Variants in FAM186A observed in about 807,000 individuals in gnomAD.
FAM186A encodes protein FAM186A.
FAM186A carries 163 observed loss-of-function variants against 216.8 expected under a neutral mutation model. The observed-to-expected ratio is 0.75, with a 90% CI of 0.66 to 0.86. The LOEUF is 0.86. Among genes scored for constraint, FAM186A ranks in the 40% least tolerant of loss-of-function variants. The probability of loss-of-function intolerance (pLI) is 0.00; values close to 1 mark genes in which losing one functional copy is unlikely to be tolerated. For missense variants in FAM186A, 2,184 were observed against 2,746.2 expected (o/e 0.80, Z 4.58); for synonymous variants, 805 against 1,025.3 (o/e 0.79, Z 4.10).
chr12:50,358,547 C>T (rs1458189258), intron 3 of FAM186A, among the ~76,000 whole-genome samples: 1 of 151,918 alleles, frequency 6.6e-6, no homozygotes, highest in African/African-American at 2.4e-5. Context: ...TGTACCAATG[C>T]ACCCCAGCTT....
rs1942860674 is a variant in FAM186A, at chr12:50,350,268, G to A, written c.6503+61C>T. 8 of 1,374,398 alleles carry A rather than the reference G, an allele frequency of 5.8e-6. No individual in the cohort carries two copies. In the South Asian group the frequency reaches 1.2e-4, roughly 21 times the overall value. 85.1% of individuals were successfully genotyped at this position (1,374,398 alleles called of 1,614,324 possible). ...AATATGAATATACTTCTGGGACAAT[G>A]ACAGAAAATATTTGCAATCAGAACT... is the stretch of plus-strand genomic sequence containing the variant. On this transcript the variant is annotated intron_variant, in intron 4 of 7. Transcript: ENST00000327337.
chr12:50,337,289 CT>C (rs71441358), intron 4 of FAM186A, among the ~76,000 whole-genome samples: 26 of 69,678 alleles, frequency 3.7e-4, no homozygotes, highest in East Asian at 9.0e-4. Flanking sequence ...AGAGATAATT[CT>C]TTTTTTTTTT....
chr12:50,343,004 C>T (rs1456926664), intron 4 of FAM186A, among the ~76,000 whole-genome samples: 1 of 150,272 alleles, frequency 6.7e-6, no homozygotes, highest in African/African-American at 2.5e-5. Context: ...AATCCCAGCA[C>T]TTTGGGATGC....
Position 50,350,321 on chromosome 12 carries a change from A to G in FAM186A, c.6503+8T>C. 6.6e-7 allele frequency: 1 copy of G among 1,504,236 alleles called. No individual in the cohort carries two copies. Among genetic ancestry groups the G allele is most frequent in the Non-Finnish European group, 8.9e-7 (1 of 1,124,288 alleles). 93.2% of individuals were successfully genotyped at this position (1,504,236 alleles called of 1,614,324 possible). On this transcript the variant is annotated splice_region_variant and intron_variant, in intron 4 of 7. Coordinates refer to ENST00000327337, the MANE Select transcript of FAM186A (RefSeq NM_001145475.3). ...ACCAGAAAACTAGACGTAAATAATT[A>G]TATCTACCTGGCATGCTGGATCAGC...
In FAM186A at chr12:50,369,406, A is replaced by G. The variant is rs1393938430; in HGVS notation, c.193-6042T>C. Among the ~76,000 whole-genome samples, 5 of 149,794 alleles carry G rather than the reference A, an allele frequency of 3.3e-5. No individual in the cohort carries two copies. In the East Asian group the frequency reaches 7.9e-4, roughly 24 times the overall value. The stretch of plus-strand genomic sequence containing the variant: ...CTCGGGAGGCTGAGGCAGGAGAATT[A>G]CTTGAACCCGGGAGGCAGAGGTTGC... On this transcript the variant is annotated intron_variant, in intron 1 of 7. Transcript: ENST00000327337.
chr12:50,388,570 G>A (rs1943327168), intron 1 of FAM186A, among the ~76,000 whole-genome samples: 1 of 148,128 alleles, frequency 6.8e-6, no homozygotes, highest in Admixed American at 6.8e-5. Flanking sequence ...GGTGAGCTGA[G>A]AATGCACCAT....
intron 1 of FAM186A, among the ~76,000 whole-genome samples, chr12:50,374,528 C>G (rs144111211): frequency 6.6e-6 from 1 of 152,122 alleles, no homozygotes; most frequent in South Asian, 2.1e-4. Flanking sequence ...ACTATGTCAA[C>G]GGATTAAAGA....
At chr12:50,387,660 A>G (rs1943316637) in intron 1 of FAM186A, among the ~76,000 whole-genome samples, 1 of 152,098 alleles carries the variant, frequency 6.6e-6, no homozygotes. Context: ...GCTTCACCCT[A>G]ATATTACTAT....
intron 4 of FAM186A, among the ~76,000 whole-genome samples, chr12:50,336,895 G>A (rs139240053): frequency 0.018 from 2,735 of 150,100 alleles, 66 homozygotes; most frequent in African/African-American, 0.061. Context: ...ATATACATGC[G>A]TATATATATA....
At chr12:50,338,227 G>T (rs1942729449) in intron 4 of FAM186A, among the ~76,000 whole-genome samples, 1 of 152,076 alleles carries the variant, frequency 6.6e-6, no homozygotes, top group African/African-American at 2.4e-5. Context: ...TTGAGACAGA[G>T]TTTCGCTCTT....
At chr12:50,360,263 TAATA>T (rs1943020202) in intron 3 of FAM186A, among the ~76,000 whole-genome samples, 1 of 139,524 alleles carries the variant, frequency 7.2e-6, no homozygotes, top group Non-Finnish European at 1.6e-5. Context: ...AAAAAAAAAT[TAATA>T]AATAAATTTA....
At position 50,355,039 on chromosome 12, in the gene FAM186A, G is replaced by A; in HGVS notation, c.1793C>T (p.Ala598Val). ...TTTTATTTTTCCTTTCTGTGGCTCA[G>A]CAGTATCATCAAATTGGATCATACT... is the stretch of plus-strand genomic sequence containing the variant. The part of the protein sequence containing the change: ...PLSMIQFDDT[A>V]EPQKGKIKGK... The change falls in exon 4 of 8, where the codon GCT (alanine) becomes GTT (valine). Residue 598 changes from alanine (A) to valine (V), a missense_variant. By Grantham distance (64) the Ala-to-Val change is moderately conservative (BLOSUM62 0). Coordinates refer to ENST00000327337, the MANE Select transcript of FAM186A (RefSeq NM_001145475.3). The A allele has an allele frequency of 6.4e-7, 1 of 1,551,668 alleles. No homozygotes were observed.
rs2136090707 is a variant in FAM186A, at chr12:50,351,288, C to A, written c.5544G>T (p.Gln1848His). The A allele has an allele frequency of 1.9e-6, 3 of 1,547,914 alleles. No homozygotes were observed. The highest frequency in any genetic ancestry group is 2.6e-6 in the Non-Finnish European group (3 of 1,145,592). The change falls in exon 4 of 8, where the codon CAG becomes CAT. Residue 1848 changes from glutamine (Q) to histidine (H), a missense_variant. Transcript: ENST00000327337. ...AAAGAGGAGCCCAGAGACTTGGAAT[C>A]TGTCCAGAAGTGGGTGGAACTCCAG... ...FIAGVPPTSG[Q>H]IPSLWAPLSP...
At chr12:50,388,614 C>T (rs763978104) in intron 1 of FAM186A, among the ~76,000 whole-genome samples, 10 of 142,648 alleles carry the variant, frequency 7.0e-5, no homozygotes, top group African/African-American at 1.4e-4. Context: ...AGTGAAACTC[C>T]GTCTCAAAAA....
chr12:50,394,284 C>T (rs994867908), intron 1 of FAM186A, among the ~76,000 whole-genome samples: 5 of 151,974 alleles, frequency 3.3e-5, no homozygotes, highest in South Asian at 2.1e-4. Context: ...ATGGGCTGGA[C>T]GCAGTGGCTC....
At chr12:50,393,224 C>CGAT (rs1236703675) in intron 1 of FAM186A, among the ~76,000 whole-genome samples, 1 of 151,826 alleles carries the variant, frequency 6.6e-6, no homozygotes, top group Non-Finnish European at 1.5e-5. Flanking sequence ...GCTCCCGGCT[C>CGAT]GATACTTGCA....
At chr12:50,396,151 T>C in intron 1 of FAM186A, 142 bp downstream of exon 1, 1 of 674,420 alleles carries the variant, frequency 1.5e-6, no homozygotes, top group East Asian at 2.9e-5. Flanking sequence ...CGGTGTCAGG[T>C]GAAATTGTCA....
chr12:50,378,873 CCATATG>C (rs1272026680), intron 1 of FAM186A, among the ~76,000 whole-genome samples: 2 of 152,040 alleles, frequency 1.3e-5, no homozygotes, highest in African/African-American at 2.4e-5. Flanking sequence ...ACAGCTTCAA[CCATATG>C]AAAATGTCTA....
At chr12:50,375,236 C>T (rs1943185654) in intron 1 of FAM186A, among the ~76,000 whole-genome samples, 1 of 151,844 alleles carries the variant, frequency 6.6e-6, no homozygotes. Flanking sequence ...TTTATTTACA[C>T]TAGCGATATA....
Sources: allele counts gnomAD v4.1 joint callset (sites outside exome capture counted in the v4.1 genomes callset), GRCh38; gene constraint gnomAD v4.1.1; transcripts MANE v1.5; gene names NCBI Gene and HGNC (gene_info 2026-07-23, HGNC 2026-07-21).